The following NRAP variants were observed in gnomAD, a reference collection of about 807,000 sequenced individuals.
NRAP encodes nebulin related anchoring protein, also known as nebulin-related-anchoring protein.
A neutral mutation model predicts 225.9 loss-of-function variants in NRAP; 189 were observed. The ratio of observed to expected loss-of-function variants is 0.84; its 90% CI spans 0.74 to 0.94. The LOEUF (loss-of-function observed/expected upper bound fraction) is 0.94. Among genes scored for constraint, NRAP ranks in the 40% least tolerant of loss-of-function variants. NRAP has a pLI of 0.00. For synonymous variants in NRAP, 769 were observed against 790.7 expected (o/e 0.97, Z 0.46); for missense variants, 2,176 against 2,168.7 (o/e 1.00, Z -0.07).
At chr10:113,620,223 C>T (rs1847905710) in intron 25 of NRAP, among the ~76,000 whole-genome samples, 1 of 152,136 alleles carries the variant, frequency 6.6e-6, no homozygotes, top group South Asian at 2.1e-4. Context: ...AAACTGTTGA[C>T]TCTGTAGCAG....
intron 9 of NRAP, among the ~76,000 whole-genome samples, chr10:113,648,457 CTCTCTCTCTCTA>C (rs1483424448): frequency 3.2e-5 from 4 of 125,876 alleles, no homozygotes; most frequent in Admixed American, 9.1e-5. Context: ...CTCTCTCTCT[CTCTCTCTCTCTA>C]TATATATATA....
chr10:113,610,496 A>T lies in NRAP; in HGVS notation c.3566T>A (p.Ile1189Asn). The change falls in exon 31 of 42, where the codon ATT becomes AAT. Residue 1189 changes from isoleucine to asparagine, a missense_variant. Physicochemically the swap from Ile to Asn is moderately radical, Grantham distance 149. Transcript: ENST00000359988. ...VACVIPGTLE[I>N]EGRKKASELI... ...TTCCGATGCTTTCTTCCTCCCTTCA[A>T]TCTCTAACGTGCCTGGAATGACACA... 3.1e-6 allele frequency: 5 copies of T among 1,602,042 alleles called. No homozygotes were observed. Among genetic ancestry groups the T allele is most frequent in the Non-Finnish European group, 4.3e-6 (5 of 1,168,928 alleles).
At chr10:113,645,720 G>C in intron 11 of NRAP, 105 bp downstream of exon 11, 1 of 633,950 alleles carries the variant, frequency 1.6e-6, no homozygotes, top group Non-Finnish European at 2.7e-6. Context: ...CCTGGCCGGT[G>C]TCACACTTTT....
At chr10:113,597,246 G>A in intron 36 of NRAP, 62 bp from the exon 37 acceptor site, 1 of 1,038,150 alleles carries the variant, frequency 9.6e-7, no homozygotes, top group Non-Finnish European at 1.5e-6. Flanking sequence ...CTTTCAGGGT[G>A]CAGCTTCACT....
Position 113,615,715 on chromosome 10 carries a change from A to T in NRAP, c.3075T>A (p.Ser1025Arg). The change falls in exon 27 of 42, where the codon AGT becomes AGA. Residue 1025 changes from serine to arginine, a missense_variant. By Grantham distance (110) the Ser-to-Arg change is moderately radical. Transcript: ENST00000359988. ...LLAKLNAMNI[S>R]ETRYKESWSK... ...GTGCCCCTTGGGTCAGCCTCACCTC[A>T]CTGATATTCATGGCATTCAGCTTGG... The T allele has an allele frequency of 6.3e-7, 1 of 1,589,228 alleles. No individual in the cohort carries two copies. Among genetic ancestry groups the T allele is most frequent in the East Asian group, 2.2e-5 (1 of 44,754 alleles).
At chr10:113,608,617 G>T in intron 31 of NRAP, 105 bp from the exon 32 acceptor site, 3 of 728,790 alleles carry the variant, frequency 4.1e-6, no homozygotes, top group Non-Finnish European at 7.1e-6. Flanking sequence ...TTTTGCAAAG[G>T]CTGCAAGTCT....
At chr10:113,608,291 C>T in intron 32 of NRAP, 123 bp downstream of exon 32, 1 of 636,904 alleles carries the variant, frequency 1.6e-6, no homozygotes, top group Middle Eastern at 2.6e-4. Flanking sequence ...TAATGACATT[C>T]TTTTCTTTCC....
intron 29 of NRAP, among the ~76,000 whole-genome samples, chr10:113,612,681 G>T (rs1240143981): frequency 6.6e-6 from 1 of 152,176 alleles, no homozygotes; most frequent in East Asian, 1.9e-4. Flanking sequence ...CTCATTTGAG[G>T]AACATACAAA....
intron 3 of NRAP, among the ~76,000 whole-genome samples, chr10:113,660,738 C>T (rs375527691): frequency 5.3e-5 from 8 of 152,234 alleles, no homozygotes; most frequent in Non-Finnish European, 7.4e-5. Flanking sequence ...GTCAAATCCT[C>T]GCTACACAAC....
At chr10:113,592,052 C>A in intron 39 of NRAP, 142 bp downstream of exon 39, 1 of 442,400 alleles carries the variant, frequency 2.3e-6, no homozygotes, top group Non-Finnish European at 4.0e-6. Flanking sequence ...TTTTTTCTTT[C>A]ATTTAAAATA....
intron 1 of NRAP, among the ~76,000 whole-genome samples, 170 bp from the exon 2 acceptor site, chr10:113,663,616 C>CTT (rs11349376): frequency 6.7e-6 from 1 of 149,974 alleles, no homozygotes; most frequent in East Asian, 1.9e-4. Flanking sequence ...AAATGGATAA[C>CTT]TTTTTTTTTT....
At chr10:113,600,607 G>C (rs186506480) in intron 35 of NRAP, among the ~76,000 whole-genome samples, 48 of 152,314 alleles carry the variant, frequency 3.2e-4, no homozygotes, top group Admixed American at 2.0e-3. Context: ...GACAGACACA[G>C]AGCACCTGGG....
rs747639408 is a variant in NRAP at position 113,589,650 on chromosome 10, G to T, written c.5088+16C>A. On this transcript the variant is annotated intron_variant, in intron 41 of 41. Coordinates refer to ENST00000359988, the MANE Select transcript of NRAP (RefSeq NM_198060.4). The stretch of plus-strand genomic sequence containing the variant: ...GGCCTTGCAAGCCAGGGGTGGCTTT[G>T]CAGCTTGCTACTCACGTAAGCTCCC... The T allele has an allele frequency of 1.1e-5, 17 of 1,608,790 alleles. No homozygotes were observed. The highest frequency in any genetic ancestry group is 4.5e-5 in the East Asian group (2 of 44,866).
intron 4 of NRAP, 25 bp from the exon 5 acceptor site, chr10:113,654,150 T>G: frequency 1.5e-6 from 2 of 1,336,550 alleles, no homozygotes; most frequent in Non-Finnish European, 2.2e-6. Context: ...CATGAAGGGA[T>G]ACAAACACAT....
intron 20 of NRAP, among the ~76,000 whole-genome samples, chr10:113,627,070 G>T (rs1848327859): frequency 6.6e-6 from 1 of 152,206 alleles, no homozygotes; most frequent in African/African-American, 2.4e-5. Flanking sequence ...CAGCAAGAGG[G>T]TTATAGCAAC....
At chr10:113,630,013 A>G (rs1026117107) in intron 18 of NRAP, among the ~76,000 whole-genome samples, 1 of 152,148 alleles carries the variant, frequency 6.6e-6, no homozygotes, top group African/African-American at 2.4e-5. Context: ...TCTCTTGCCA[A>G]TGCTAAACCT....
In NRAP at chr10:113,621,891, T is replaced by A. The variant is rs200808551; in HGVS notation, c.2747A>T (p.Lys916Met). ...PTDMKVEWAKKAYGLQSDNQY... is the reference protein window; with the variant it reads ...PTDMKVEWAKMAYGLQSDNQY... ...TACATCACTCTGTAAGCCATAAGCCTTCTTGGCCCATTCCACCTTCATGTC... is the reference window on the plus strand; with the variant it reads ...TACATCACTCTGTAAGCCATAAGCCATCTTGGCCCATTCCACCTTCATGTC... Residue 916 changes from lysine (K) to methionine (M), a missense_variant, in exon 24 of 42, where the codon AAG becomes ATG. Physicochemically the swap from Lys to Met is moderately conservative, Grantham distance 95 (BLOSUM62 -1). Around this residue, in one of 3 missense-constraint regions of NRAP, gnomAD observed 1,708 missense variants for 1,695.5 expected, o/e 1.01. Transcript: ENST00000359988. 3 of 1,612,856 alleles carry A rather than the reference T, an allele frequency of 1.9e-6. No homozygotes were observed. Among genetic ancestry groups the A allele is most frequent in the East Asian group, 4.5e-5 (2 of 44,826 alleles).
At chr10:113,611,969 A>G (rs539376388) in intron 30 of NRAP, among the ~76,000 whole-genome samples, 4 of 152,368 alleles carry the variant, frequency 2.6e-5, no homozygotes, top group Admixed American at 2.0e-4. Context: ...AAATGAGAAT[A>G]AACTAATGAT....
chr10:113,610,131 C>T (rs1028930875), intron 31 of NRAP, among the ~76,000 whole-genome samples: 6 of 152,120 alleles, frequency 3.9e-5, no homozygotes, highest in Admixed American at 1.3e-4. Flanking sequence ...AGGTGGATCA[C>T]TTGAGGTCAG....
Sources: gnomAD v4.1 joint callset for allele counts (sites outside exome capture counted in the v4.1 genomes callset) on GRCh38, gnomAD v4.1.1 for gene constraint, gnomAD v4.1.1 regional missense constraint, MANE v1.5 for transcripts, NCBI Gene and HGNC (gene_info 2026-07-23, HGNC 2026-07-21) for gene names.